TRAK1: variants seen among roughly 807,000 people sequenced by gnomAD.
TRAK1 encodes the protein trafficking kinesin protein 1, also known as trafficking kinesin-binding protein 1.
In TRAK1, 33 loss-of-function variants were observed where a neutral mutation model predicts 92.1. The observed-to-expected ratio is 0.36, with a 90% CI of 0.27 to 0.48. The LOEUF (loss-of-function observed/expected upper bound fraction) is 0.48, where lower values mean the gene tolerates loss of function less well. TRAK1 is among the 20% of genes least tolerant of loss of function. The probability of loss-of-function intolerance (pLI) is 0.99; values close to 1 mark genes in which losing one functional copy is unlikely to be tolerated. For missense variants in TRAK1, 1,123 were observed against 1,257.9 expected, an observed-to-expected ratio of 0.89 and a Z score of 1.62; for synonymous variants, 521 against 517.3, an observed-to-expected ratio of 1.01 and a Z score of -0.10.
At chr3:42,052,932 T>C (rs1205505032) in intron 1 of TRAK1, among the ~76,000 whole-genome samples, 2 of 152,040 alleles carry the variant, frequency 1.3e-5, no homozygotes, top group Non-Finnish European at 2.9e-5. Context: ...TCCCAAGGCA[T>C]TTGGAGTTGT....
intron 14 of TRAK1, chr3:42,219,197 C>G (rs1213095832): frequency 2.7e-5 from 27 of 985,068 alleles, no homozygotes; most frequent in Non-Finnish European, 2.9e-5. Flanking sequence ...TACCCCACCC[C>G]CCTCGCCTCC....
chr3:42,207,927 G>T (rs1708515416), intron 13 of TRAK1, among the ~76,000 whole-genome samples: 1 of 152,146 alleles, frequency 6.6e-6, no homozygotes, highest in South Asian at 2.1e-4. Context: ...CCTGTACATT[G>T]TGGGATGTTT....
At chr3:42,186,880 G>A (rs575810442) in intron 4 of TRAK1, among the ~76,000 whole-genome samples, 2 of 152,330 alleles carry the variant, frequency 1.3e-5, no homozygotes, top group South Asian at 2.1e-4. Flanking sequence ...CATGGAAGAC[G>A]TAATAATTCA....
chr3:42,143,219 A>G (rs1698891338), intron 2 of TRAK1, among the ~76,000 whole-genome samples: 1 of 139,330 alleles, frequency 7.2e-6, no homozygotes, highest in Admixed American at 7.1e-5. Context: ...CTGATCATTT[A>G]TTTTGTTCTT....
At chr3:42,101,976 A>G (rs1209006006) in intron 1 of TRAK1, among the ~76,000 whole-genome samples, 1 of 152,084 alleles carries the variant, frequency 6.6e-6, no homozygotes, top group East Asian at 1.9e-4. Flanking sequence ...TAAGTATGAA[A>G]TATCACGTAC....
intron 1 of TRAK1, among the ~76,000 whole-genome samples, chr3:42,038,802 A>AG (rs1702423851): frequency 7.6e-5 from 8 of 105,920 alleles, no homozygotes; most frequent in East Asian, 2.2e-4. Flanking sequence ...AAAAAAAAAA[A>AG]GTTTTTTTTT....
intron 1 of TRAK1, among the ~76,000 whole-genome samples, chr3:42,048,784 G>A (rs1702864083): frequency 6.6e-6 from 1 of 152,074 alleles, no homozygotes; most frequent in Non-Finnish European, 1.5e-5. Flanking sequence ...GGCTGGTCTT[G>A]AGCTCATGAG....
At chr3:42,116,509 T>C (rs1202390388) in intron 1 of TRAK1, among the ~76,000 whole-genome samples, 2 of 152,268 alleles carry the variant, frequency 1.3e-5, no homozygotes. Flanking sequence ...GTGTGGCCTA[T>C]GTATGAGTCT....
chr3:42,172,077 T>C (rs1202919703), intron 2 of TRAK1, among the ~76,000 whole-genome samples: 2 of 152,290 alleles, frequency 1.3e-5, no homozygotes, highest in South Asian at 2.1e-4. Flanking sequence ...TTCCTTACTT[T>C]ACTTGGCATC....
Position 42,200,807 on chromosome 3 carries a change from A to T in TRAK1, c.1191-11A>T. Reference sequence around the variant, plus strand: ...ATTTGCTCACTCACGGATGCCGTGCATTCTCCCTAGTCACCAGAAGCGTGT... The same window carrying T: ...ATTTGCTCACTCACGGATGCCGTGCTTTCTCCCTAGTCACCAGAAGCGTGT... On this transcript the variant is annotated splice_polypyrimidine_tract_variant and intron_variant, in intron 11 of 15. Transcript: ENST00000327628. 6.2e-7 allele frequency: 1 copy of T among 1,613,980 alleles called. No individual in the cohort carries two copies. Among genetic ancestry groups the T allele is most frequent in the Non-Finnish European group, 8.5e-7 (1 of 1,179,862 alleles).
At chr3:42,172,489 A>G (rs776551373) in intron 2 of TRAK1, among the ~76,000 whole-genome samples, 11 of 152,174 alleles carry the variant, frequency 7.2e-5, no homozygotes, top group South Asian at 2.1e-4. Context: ...ATGCTTGTCA[A>G]TCTAAATTGC....
intron 1 of TRAK1, among the ~76,000 whole-genome samples, chr3:42,035,665 C>A (rs1702299947): frequency 6.6e-6 from 1 of 152,206 alleles, no homozygotes; most frequent in African/African-American, 2.4e-5. Context: ...CTAATGTTTT[C>A]TCTACTCTGG....
intron 2 of TRAK1, among the ~76,000 whole-genome samples, chr3:42,135,504 G>A (rs1024463117): frequency 6.6e-6 from 1 of 152,162 alleles, no homozygotes; most frequent in Admixed American, 6.5e-5. Flanking sequence ...GAGGTGGGAG[G>A]ATTGCTTGAA....
intron 4 of TRAK1, among the ~76,000 whole-genome samples, chr3:42,186,732 C>T (rs1237790551): frequency 1.3e-5 from 2 of 152,200 alleles, no homozygotes. Context: ...ATCCAGCTCT[C>T]TGGGAGTGGA....
chr3:42,144,566 G>A (rs1699095718), intron 2 of TRAK1, among the ~76,000 whole-genome samples: 1 of 152,052 alleles, frequency 6.6e-6, no homozygotes, highest in Admixed American at 6.6e-5. Context: ...TGGTAATGGG[G>A]TAGGAATAAA....
At chr3:42,023,478 A>G (rs1701801014) in intron 1 of TRAK1, among the ~76,000 whole-genome samples, 1 of 152,114 alleles carries the variant, frequency 6.6e-6, no homozygotes, top group African/African-American at 2.4e-5. Flanking sequence ...CCTAGACCTT[A>G]TCTTACCTCC....
intron 4 of TRAK1, among the ~76,000 whole-genome samples, chr3:42,185,896 A>G (rs1194760495): frequency 6.9e-6 from 1 of 144,120 alleles, no homozygotes; most frequent in Non-Finnish European, 1.5e-5. Flanking sequence ...TTGGTCTCGA[A>G]CTCCTGACCT....
rs1307286185 is a variant in TRAK1, at chr3:42,091,573, G to A, written c.91+13G>A. ...ACAAACGCCTGTGGTAAGTTTGTTT[G>A]CCAGGTCTGTCTGCTGTCTGTTTTC... is the stretch of plus-strand genomic sequence containing the variant. On this transcript the variant is annotated intron_variant, in intron 1 of 15. Transcript: ENST00000327628. 6.2e-7 allele frequency: 1 copy of A among 1,609,006 alleles called. No homozygotes were observed. Among genetic ancestry groups the A allele is most frequent in the African/African-American group, 1.3e-5 (1 of 74,486 alleles).
At position 42,212,685 on chromosome 3, in the gene TRAK1, A is replaced by G. The variant is rs543384159; in HGVS notation, c.1963+2700A>G. The G allele has an allele frequency of 3.6e-5, 19 of 533,194 alleles. No individual in the cohort carries two copies. In the South Asian group the frequency reaches 8.9e-4, roughly 25 times the overall value. 33.0% of individuals were successfully genotyped at this position (533,194 alleles called of 1,614,324 possible). A position where few individuals can be genotyped will look rare whatever the true frequency, so the allele number is the denominator to read the frequency against. On this transcript the variant is annotated intron_variant, in intron 14 of 15. Coordinates refer to ENST00000327628, the MANE Select transcript of TRAK1 (RefSeq NM_001042646.3). ...TTATGTTTTAATTTATATAGAAAGT[A>G]TACTTTATCAGAACTAGTTATCATC... is the stretch of plus-strand genomic sequence containing the variant.
Sources: gnomAD v4.1 joint callset for allele counts (sites outside exome capture counted in the v4.1 genomes callset) on GRCh38, gnomAD v4.1.1 for gene constraint, MANE v1.5 for transcripts, NCBI Gene and HGNC (gene_info 2026-07-23, HGNC 2026-07-21) for gene names.